TEX36: variants seen among roughly 807,000 people sequenced by gnomAD.
The protein encoded by TEX36 is testis expressed 36.
A neutral mutation model predicts 13.6 loss-of-function variants in TEX36; 12 were observed. That is an observed-to-expected ratio of 0.88 (90% CI 0.56 to 1.43). The LOEUF (loss-of-function observed/expected upper bound fraction) is 1.43. Ranked by LOEUF, TEX36 falls within the 40% of genes most tolerant of loss-of-function variation. The pLI, the probability that TEX36 is intolerant of heterozygous loss-of-function variation, is 0.00. For synonymous variants in TEX36, 93 were observed against 83.0 expected (o/e 1.12, Z -0.65); for missense variants, 224 against 228.3 (o/e 0.98, Z 0.12).
At chr10:125,676,794 G>A (rs183893910) in intron 1 of TEX36, among the ~76,000 whole-genome samples, 4 of 152,070 alleles carry the variant, frequency 2.6e-5, no homozygotes, top group South Asian at 2.1e-4. Context: ...ATTGTTCTAC[G>A]AGTGAGTTTT....
chr10:125,597,751 G>T (rs1190928445), intron 3 of TEX36, among the ~76,000 whole-genome samples: 1 of 152,158 alleles, frequency 6.6e-6, no homozygotes, highest in East Asian at 1.9e-4. Flanking sequence ...ATGGCAGTCA[G>T]GGTTTAGTCC....
At chr10:125,585,341 T>A (rs1045795498) in intron 3 of TEX36, among the ~76,000 whole-genome samples, 1 of 152,086 alleles carries the variant, frequency 6.6e-6, no homozygotes, top group African/African-American at 2.4e-5. Context: ...AGAGGGAGTG[T>A]CTTGGGCTTA....
chr10:125,604,681 A>G (rs1846193662), intron 3 of TEX36, among the ~76,000 whole-genome samples: 1 of 152,062 alleles, frequency 6.6e-6, no homozygotes, highest in Non-Finnish European at 1.5e-5. Context: ...GTGTGGTGAC[A>G]TGTGCCTGTA....
intron 3 of TEX36, among the ~76,000 whole-genome samples, chr10:125,596,669 C>T (rs1259764335): frequency 6.6e-6 from 1 of 152,214 alleles, no homozygotes; most frequent in African/African-American, 2.4e-5. Flanking sequence ...GAAATTAACA[C>T]AGCAATTTAC....
chr10:125,636,382 T>A (rs1846624118), intron 3 of TEX36, among the ~76,000 whole-genome samples: 1 of 151,138 alleles, frequency 6.6e-6, no homozygotes, highest in Non-Finnish European at 1.5e-5. Flanking sequence ...ATTTTTTTTT[T>A]TTTATATATT....
chr10:125,592,152 A>G (rs878905626), intron 3 of TEX36, among the ~76,000 whole-genome samples: 2 of 152,178 alleles, frequency 1.3e-5, no homozygotes, highest in Admixed American at 6.5e-5. Flanking sequence ...CTCCTGGAGA[A>G]ATGCCCAACT....
intron 3 of TEX36, among the ~76,000 whole-genome samples, chr10:125,638,972 GTAAA>G: frequency 6.6e-6 from 1 of 152,186 alleles, no homozygotes. Flanking sequence ...TAGGCTTTCA[GTAAA>G]TAAATAAATG....
rs550333915 is a variant in TEX36 at position 125,591,846 on chromosome 10, A to G, written c.265-14972T>C. The stretch of plus-strand genomic sequence containing the variant: ...GTTGAAACTGACCTTCCCTGCTTGT[A>G]TGAGAATCATTAGTGCCCAACAGGA... On this transcript the variant is annotated intron_variant, in intron 3 of 3. Transcript: ENST00000532135. Among the ~76,000 whole-genome samples, 5 of 152,166 alleles carry G rather than the reference A, an allele frequency of 3.3e-5. No homozygotes were observed. In the East Asian group the frequency reaches 9.7e-4, roughly 30 times the overall value.
chr10:125,619,938 C>T (rs1169205981), downstream of TEX36, among the ~76,000 whole-genome samples: 1 of 151,816 alleles, frequency 6.6e-6, no homozygotes, highest in Admixed American at 6.6e-5. Flanking sequence ...GTGCATGTAT[C>T]ATTGTAAAAA....
At chr10:125,680,419 T>G (rs759628602) in intron 1 of TEX36, among the ~76,000 whole-genome samples, 1 of 152,236 alleles carries the variant, frequency 6.6e-6, no homozygotes, top group Non-Finnish European at 1.5e-5. Context: ...GGCTATAACA[T>G]GATAGCTGTG....
At chr10:125,630,580 G>A (rs1045596032) in intron 3 of TEX36, among the ~76,000 whole-genome samples, 5 of 152,156 alleles carry the variant, frequency 3.3e-5, no homozygotes, top group African/African-American at 9.7e-5. Flanking sequence ...GGACACAAAG[G>A]GCCAGTTCTT....
chr10:125,674,275 A>T (rs1847278925), intron 1 of TEX36, among the ~76,000 whole-genome samples: 1 of 152,124 alleles, frequency 6.6e-6, no homozygotes, highest in Admixed American at 6.5e-5. Context: ...CCATCAGATC[A>T]TTTATGTTCC....
chr10:125,658,803 A>G (rs1466951525), intron 3 of TEX36, among the ~76,000 whole-genome samples: 1 of 152,140 alleles, frequency 6.6e-6, no homozygotes, highest in Non-Finnish European at 1.5e-5. Context: ...AAATTAAATC[A>G]TAGGCTATTT....
At chr10:125,596,190 C>T (rs894233203) in intron 3 of TEX36, among the ~76,000 whole-genome samples, 4 of 135,180 alleles carry the variant, frequency 3.0e-5, no homozygotes, top group African/African-American at 7.4e-5. Context: ...TTGCCTTATA[C>T]AGCAAAAGGG....
intron 1 of TEX36, among the ~76,000 whole-genome samples, chr10:125,673,481 T>C (rs1412714793): frequency 1.3e-5 from 2 of 152,052 alleles, no homozygotes; most frequent in Non-Finnish European, 2.9e-5. Context: ...AAGGCCAAGG[T>C]GTGCTGATCA....
intron 3 of TEX36, among the ~76,000 whole-genome samples, chr10:125,587,950 G>A (rs777611907): frequency 2.0e-5 from 3 of 151,958 alleles, no homozygotes; most frequent in South Asian, 2.1e-4. Flanking sequence ...CATATTAGCC[G>A]CTAAGGATTC....
At chr10:125,597,849 C>T (rs1170756789) in intron 3 of TEX36, among the ~76,000 whole-genome samples, 1 of 152,226 alleles carries the variant, frequency 6.6e-6, no homozygotes, top group Non-Finnish European at 1.5e-5. Flanking sequence ...AACTCAAGGA[C>T]ATATGCTAGG....
At chr10:125,647,560 T>C in intron 3 of TEX36, among the ~76,000 whole-genome samples, 1 of 152,224 alleles carries the variant, frequency 6.6e-6, no homozygotes, top group East Asian at 1.9e-4. Flanking sequence ...GATTCCAAGA[T>C]GGCCGAATAG....
Position 125,643,968 on chromosome 10 carries a change from A to G in TEX36, c.264+17053T>C, listed in dbSNP as rs1036660771. Among the ~76,000 whole-genome samples the G allele has an allele frequency of 1.6e-4, 25 of 152,290 alleles. No individual in the cohort carries two copies. In the East Asian group the frequency reaches 2.5e-3, roughly 15 times the overall value. ...CAACAACAAAAAAAACAACATGAGC[A>G]TAAAACCAAGTCACAAAATGTTTGC... On this transcript the variant is annotated intron_variant, in intron 3 of 3. Transcript: ENST00000526819.
Sources: gnomAD v4.1 joint callset for allele counts (sites outside exome capture counted in the v4.1 genomes callset) on GRCh38, gnomAD v4.1.1 for gene constraint, MANE v1.5 for transcripts, NCBI Gene and HGNC (gene_info 2026-07-23, HGNC 2026-07-21) for gene names.